Variants in SSH2 observed in about 807,000 individuals in gnomAD.
The protein encoded by SSH2 is protein phosphatase Slingshot homolog 2.
Under a neutral mutation model 135.2 loss-of-function variants are expected in SSH2, and 37 were observed. The observed-to-expected ratio is 0.27, with a 90% CI of 0.21 to 0.36. The LOEUF (loss-of-function observed/expected upper bound fraction) is 0.36. Ranked by LOEUF, SSH2 falls within the 10% of genes least tolerant of loss-of-function variation. The pLI is 1.00. For synonymous variants in SSH2, 628 were observed against 646.2 expected, an observed-to-expected ratio of 0.97 and a Z score of 0.43; for missense variants, 1,408 against 1,765.3, an observed-to-expected ratio of 0.80 and a Z score of 3.63.
chr17:29,690,917 T>TACACAC (rs150436102), intron 5 of SSH2, among the ~76,000 whole-genome samples: 8 of 149,946 alleles, frequency 5.3e-5, no homozygotes, highest in African/African-American at 1.7e-4. Context: ...TCTCACTCTT[T>TACACAC]ACACACACAC....
chr17:29,912,158 T>C (rs1261789904), intron 1 of SSH2, among the ~76,000 whole-genome samples: 1 of 152,130 alleles, frequency 6.6e-6, no homozygotes, highest in African/African-American at 2.4e-5. Flanking sequence ...TTTTACCCCT[T>C]TCTGCAACAA....
At chr17:29,865,652 G>A (rs763548307) in intron 1 of SSH2, among the ~76,000 whole-genome samples, 3 of 152,184 alleles carry the variant, frequency 2.0e-5, no homozygotes, top group South Asian at 2.1e-4. Context: ...ATGGGGTTTG[G>A]TTTCATTAAT....
chr17:29,772,554 G>T (rs2041610723), intron 3 of SSH2, among the ~76,000 whole-genome samples: 1 of 152,060 alleles, frequency 6.6e-6, no homozygotes, highest in African/African-American at 2.4e-5. Flanking sequence ...TACAGAACTG[G>T]TAAAGTATTA....
intron 8 of SSH2, among the ~76,000 whole-genome samples, chr17:29,673,233 G>A (rs1264548916): frequency 6.6e-6 from 1 of 152,100 alleles, no homozygotes; most frequent in African/African-American, 2.4e-5. Context: ...AGTATTTGTT[G>A]AGTGAAATGT....
rs894832524 is a variant in SSH2 at position 29,626,966 on chromosome 17, G to A, written c.*3875C>T. On this transcript the variant is annotated 3_prime_UTR_variant, in exon 16 of 16. Coordinates refer to ENST00000540801, the MANE Select transcript of SSH2 (RefSeq NM_001282129.2). ...TTCACCATTACAACCATCACTATAA[G>A]ACACACCATCACTGAGGAAATGACA... 6.6e-6 allele frequency: 1 copy of A among 152,214 alleles called. No individual in the cohort carries two copies. The highest frequency in any genetic ancestry group is 2.4e-5 in the African/African-American group (1 of 41,416). 9.4% of individuals were successfully genotyped at this position (152,214 alleles called of 1,614,324 possible). A position where few individuals can be genotyped will look rare whatever the true frequency, so the allele number is the denominator to read the frequency against.
At chr17:29,851,262 A>G (rs1040894698) in intron 1 of SSH2, among the ~76,000 whole-genome samples, 1 of 152,172 alleles carries the variant, frequency 6.6e-6, no homozygotes, top group Non-Finnish European at 1.5e-5. Context: ...TATAGATAAT[A>G]CTAAGCACAT....
chr17:29,676,742 C>G (rs1471488012), intron 8 of SSH2, 78 bp downstream of exon 8: 1 of 1,180,854 alleles, frequency 8.5e-7, no homozygotes, highest in Non-Finnish European at 1.3e-6. Flanking sequence ...GCAAACTGTA[C>G]CATTTCAAAC....
At chr17:29,790,111 G>A (rs1425701607) in intron 3 of SSH2, among the ~76,000 whole-genome samples, 1 of 152,140 alleles carries the variant, frequency 6.6e-6, no homozygotes, top group African/African-American at 2.4e-5. Context: ...TATATTTTGT[G>A]TATGAGAACA....
At chr17:29,786,370 T>C (rs1368345208) in intron 3 of SSH2, among the ~76,000 whole-genome samples, 2 of 152,190 alleles carry the variant, frequency 1.3e-5, no homozygotes, top group Non-Finnish European at 2.9e-5. Context: ...TTGTGAAACC[T>C]GGGATTCAAA....
intron 1 of SSH2, among the ~76,000 whole-genome samples, chr17:29,875,796 C>A (rs772313335): frequency 1.3e-5 from 2 of 152,074 alleles, no homozygotes; most frequent in Non-Finnish European, 2.9e-5. Context: ...TTACCCCATG[C>A]CTGGCTCCTA....
chr17:29,838,301 G>C (rs2042979657), intron 2 of SSH2, among the ~76,000 whole-genome samples: 1 of 152,210 alleles, frequency 6.6e-6, no homozygotes, highest in Admixed American at 6.5e-5. Context: ...GGAGGCTGAG[G>C]GGGCAGGCCA....
chr17:29,738,088 C>G (rs1295806846), intron 3 of SSH2, among the ~76,000 whole-genome samples: 1 of 152,160 alleles, frequency 6.6e-6, no homozygotes, highest in Non-Finnish European at 1.5e-5. Flanking sequence ...TCCCGTGACC[C>G]CACAAGGGGC....
intron 1 of SSH2, among the ~76,000 whole-genome samples, chr17:29,867,117 A>G (rs2065867178): frequency 6.6e-6 from 1 of 152,036 alleles, no homozygotes. Context: ...GATTACAGGC[A>G]TAAGCCAACA....
intron 3 of SSH2, among the ~76,000 whole-genome samples, chr17:29,773,724 C>A (rs2151276157): frequency 6.6e-6 from 1 of 152,306 alleles, no homozygotes; most frequent in East Asian, 1.9e-4. Context: ...GTTGCTCAGG[C>A]TGGAGTGCAA....
Position 29,816,818 on chromosome 17 carries a change from T to G in SSH2, c.145-22881A>C, listed in dbSNP as rs188150580. ...ATAAATTAGGCCTAGCTAGTGATCCTTGCTAACACACTGGAAATCATAAGG... is the reference window on the plus strand; with the variant it reads ...ATAAATTAGGCCTAGCTAGTGATCCGTGCTAACACACTGGAAATCATAAGG... On this transcript the variant is annotated intron_variant, in intron 2 of 15. Coordinates refer to ENST00000540801, the MANE Select transcript of SSH2 (RefSeq NM_001282129.2). Among the ~76,000 whole-genome samples, 173 of 152,256 alleles carry G rather than the reference T, an allele frequency of 1.1e-3. 1 individual carries two copies. The highest frequency in any genetic ancestry group is 4.0e-3 in the African/African-American group (168 of 41,548).
chr17:29,688,890 T>C (rs955705605), intron 5 of SSH2, among the ~76,000 whole-genome samples: 7 of 152,186 alleles, frequency 4.6e-5, no homozygotes, highest in African/African-American at 1.7e-4. Context: ...GCGCAGTGGC[T>C]CACGTCTGTA....
chr17:29,644,300 C>T (rs1181337807), intron 14 of SSH2, among the ~76,000 whole-genome samples: 1 of 152,176 alleles, frequency 6.6e-6, no homozygotes, highest in Non-Finnish European at 1.5e-5. Context: ...TCCCCTAGCT[C>T]CCTCAGCACG....
chr17:29,671,961 G>A lies in SSH2; in HGVS notation c.783C>T (p.Pro261=), dbSNP rs754970242. 5 of 1,613,718 alleles carry A rather than the reference G, an allele frequency of 3.1e-6. No homozygotes were observed. The highest frequency in any genetic ancestry group is 3.3e-5 in the Admixed American group (2 of 60,004). The part of the protein sequence containing the change: ...NAMQDVQSHR[P]DSPALFTDIP... ...TGTCGGTGAAGAGAGCTGGAGAGTC[G>A]GGCCGGTGGGACTGTACATCTTGCA... Residue 261 remains proline, a synonymous_variant, in exon 9 of 16, where the codon CCC becomes CCT. Coordinates refer to ENST00000540801, the MANE Select transcript of SSH2 (RefSeq NM_001282129.2).
At chr17:29,848,029 A>G (rs2151386037) in intron 2 of SSH2, among the ~76,000 whole-genome samples, 1 of 152,212 alleles carries the variant, frequency 6.6e-6, no homozygotes, top group East Asian at 1.9e-4. Context: ...ACTGTTCAAT[A>G]AAAGATTGCT....
Sources: allele counts gnomAD v4.1 joint callset (sites outside exome capture counted in the v4.1 genomes callset), GRCh38; gene constraint gnomAD v4.1.1; transcripts MANE v1.5; gene names NCBI Gene and HGNC (gene_info 2026-07-23, HGNC 2026-07-21).